Variants in P4HB observed in about 807,000 individuals in gnomAD.
P4HB encodes protein disulfide-isomerase.
In P4HB, 20 loss-of-function variants were observed where a neutral mutation model predicts 52.6. The ratio of observed to expected loss-of-function variants is 0.38; its 90% CI spans 0.27 to 0.55. P4HB has a LOEUF of 0.55. P4HB is among the 20% of genes least tolerant of loss of function. The probability of loss-of-function intolerance (pLI) is 0.74; values close to 1 mark genes in which losing one functional copy is unlikely to be tolerated. For synonymous variants in P4HB, 296 were observed against 277.9 expected (o/e 1.07, Z -0.65); for missense variants, 601 against 669.2 (o/e 0.90, Z 1.12).
intron 4 of P4HB, among the ~76,000 whole-genome samples, chr17:81,853,321 C>A (rs1598268726): frequency 6.6e-6 from 1 of 152,106 alleles, no homozygotes; most frequent in African/African-American, 2.4e-5. Context: ...ACCTGTAATC[C>A]CAGCACTTTG....
In P4HB at chr17:81,856,670, CG is replaced by C. The variant is rs199571563; in HGVS notation, c.353-1085del. ...TTCTTTTTTTTTTTTTTTTTTGAGA[CG>C]GAATCTACCTCTGTCGTCCAGGCTG... On this transcript the variant is annotated intron_variant, in intron 2 of 10. Transcript: ENST00000331483. Among the ~76,000 whole-genome samples the C allele has an allele frequency of 1.1e-3, 142 of 133,816 alleles. 1 individual carries two copies. In the East Asian group the frequency reaches 0.026, roughly 24 times the overall value. 87.8% of individuals were successfully genotyped at this position (133,816 alleles called of 152,430 possible).
intron 2 of P4HB, among the ~76,000 whole-genome samples, chr17:81,858,534 G>A (rs1379398430): frequency 1.3e-5 from 2 of 152,122 alleles, no homozygotes; most frequent in African/African-American, 2.4e-5. Flanking sequence ...TTTTATAGAC[G>A]AGTTTTCTTT....
In P4HB at chr17:81,847,346, A is replaced by T; in HGVS notation, c.626T>A (p.Phe209Tyr). The T allele has an allele frequency of 6.2e-7, 1 of 1,612,838 alleles. No individual in the cohort carries two copies. The highest frequency in any genetic ancestry group is 2.2e-5 in the East Asian group (1 of 44,892). Residue 209 changes from phenylalanine (F) to tyrosine (Y), a missense_variant and splice_region_variant, in exon 5 of 11, where the codon TTT (phenylalanine) becomes TAT (tyrosine). Physicochemically the swap from Phe to Tyr is conservative, Grantham distance 22 (BLOSUM62 3). Coordinates refer to ENST00000331483, the MANE Select transcript of P4HB (RefSeq NM_000918.4). The part of the protein sequence containing the change: ...DKDGVVLFKK[F>Y]DEGRNNFEGE... Reference sequence around the variant, plus strand: ...TTCAAAGTTGTTCCGGCCTTCATCAAACTGTGGACAGAAAGAGGGCCCTGA... The same window carrying T: ...TTCAAAGTTGTTCCGGCCTTCATCATACTGTGGACAGAAAGAGGGCCCTGA...
At position 81,845,139 on chromosome 17, in the gene P4HB, C is replaced by T; in HGVS notation, c.1446+5G>A. 1 of 1,608,926 alleles carries T rather than the reference C, an allele frequency of 6.2e-7. No individual in the cohort carries two copies. Among genetic ancestry groups the T allele is most frequent in the Non-Finnish European group, 8.5e-7 (1 of 1,175,744 alleles). ...AGACCAGCCCAGGGCTGTGACCCCA[C>T]TCACGTCATCATCCCCTGCCCCATC... On this transcript the variant is annotated splice_donor_5th_base_variant and intron_variant, in intron 10 of 10. Transcript: ENST00000331483.
intron 9 of P4HB, 45 bp downstream of exon 9, chr17:81,845,516 C>T (rs1278889407): frequency 6.5e-7 from 1 of 1,527,594 alleles, no homozygotes; most frequent in Non-Finnish European, 8.8e-7. Flanking sequence ...GGGACCACTG[C>T]TCTTCCCAGA....
At position 81,855,309 on chromosome 17, in the gene P4HB, C is replaced by T. The variant is rs745590395; in HGVS notation, c.487-30G>A. On this transcript the variant is annotated intron_variant, in intron 3 of 10. Transcript: ENST00000331483. This position sits in a 1 kb window ranked among gnomAD's most constrained non-coding sequence, Gnocchi z 4.3. ...ATGAGGAGGGAGAAGCAGAGGTCGTCATGATCCCGCAGCACCAAGCAGTAG... is the reference window on the plus strand; with the variant it reads ...ATGAGGAGGGAGAAGCAGAGGTCGTTATGATCCCGCAGCACCAAGCAGTAG... 1 of 1,613,394 alleles carries T rather than the reference C, an allele frequency of 6.2e-7. No individual in the cohort carries two copies. The highest frequency in any genetic ancestry group is 1.7e-5 in the Admixed American group (1 of 59,998).
In P4HB at chr17:81,843,762, T is replaced by C. The variant is rs201948230; in HGVS notation, c.*250A>G. 6.8e-6 allele frequency: 4 copies of C among 590,242 alleles called. No individual in the cohort carries two copies. The South Asian group carries it at 8.4e-5, about 12-fold the overall frequency. 36.6% of individuals were successfully genotyped at this position (590,242 alleles called of 1,614,324 possible). On this transcript the variant is annotated 3_prime_UTR_variant, in exon 11 of 11. Transcript: ENST00000331483. Reference sequence around the variant, plus strand: ...GACTCATGTATGAAAAAGTACATCATGGTTTCAGGAAACAAGCCCCACCAG... The same window carrying C: ...GACTCATGTATGAAAAAGTACATCACGGTTTCAGGAAACAAGCCCCACCAG...
At chr17:81,845,057 C>G in intron 10 of P4HB, 87 bp downstream of exon 10, 1 of 1,115,602 alleles carries the variant, frequency 9.0e-7, no homozygotes, top group Non-Finnish European at 1.3e-6. Flanking sequence ...GCACCATTCC[C>G]ATCACAAGCC....
chr17:81,847,766 C>T (rs2038759883), intron 4 of P4HB: 1 of 180,338 alleles, frequency 5.5e-6, no homozygotes. Context: ...CAACCTCTGC[C>T]TCCCAGGTTC....
intron 4 of P4HB, among the ~76,000 whole-genome samples, chr17:81,854,697 C>T (rs1418920230): frequency 1.3e-5 from 2 of 151,968 alleles, no homozygotes; most frequent in East Asian, 3.9e-4. Context: ...CAAAGATTAG[C>T]TGGGCATGGT....
rs8069408 is a variant in P4HB, at chr17:81,860,176, T to A, written c.145+151A>T. ...CCGGCTCTCACCCCCAGGGAGCCCC[T>A]GACATGGCCCCCAAGGCGGGCAGCA... is the stretch of plus-strand genomic sequence containing the variant. On this transcript the variant is annotated intron_variant, in intron 1 of 10. Transcript: ENST00000331483. 3.4e-4 allele frequency: 210 copies of A among 614,362 alleles called. 1 individual carries two copies. The African/African-American group carries it at 4.0e-3, about 12-fold the overall frequency. The allele number at this position is 614,362 out of a possible 1,614,324, so 38.1% of individuals were successfully genotyped here.
intron 4 of P4HB, among the ~76,000 whole-genome samples, chr17:81,851,639 C>T (rs1312880756): frequency 3.3e-5 from 5 of 152,192 alleles, no homozygotes; most frequent in African/African-American, 7.2e-5. Context: ...TGCAGGCAAA[C>T]GAAATCCCCC....
chr17:81,854,839 CA>C (rs377026985), intron 4 of P4HB, among the ~76,000 whole-genome samples: 378 of 79,772 alleles, frequency 4.7e-3, no homozygotes, highest in Middle Eastern at 0.018. Flanking sequence ...AAGACTCTCC[CA>C]AAAAAAAAAA....
At chr17:81,854,839 CAA>C (rs377026985) in intron 4 of P4HB, among the ~76,000 whole-genome samples, 5 of 80,034 alleles carry the variant, frequency 6.2e-5, no homozygotes, top group Admixed American at 1.4e-4. Flanking sequence ...AAGACTCTCC[CAA>C]AAAAAAAAAA....
At chr17:81,847,617 G>T (rs2038757588) in intron 4 of P4HB, 2 of 516,078 alleles carry the variant, frequency 3.9e-6, no homozygotes, top group South Asian at 2.2e-5. Context: ...CAGCAACCTT[G>T]AAGTGTGGCC....
In P4HB at chr17:81,858,808, C is replaced by A. The variant is rs920196952; in HGVS notation, c.352+373G>T. The A allele has an allele frequency of 1.2e-5, 3 of 240,704 alleles. No individual in the cohort carries two copies. In the Admixed American group the frequency reaches 1.5e-4, roughly 12 times the overall value. The allele number at this position is 240,704 out of a possible 1,614,324, so 14.9% of individuals were successfully genotyped here. ...GCAGCTGGCACGCTACACACGACAG[C>A]TAGCAGGTGTCACCCCGAGAGCTAC... is the stretch of plus-strand genomic sequence containing the variant. On this transcript the variant is annotated intron_variant, in intron 2 of 10. Coordinates refer to ENST00000331483, the MANE Select transcript of P4HB (RefSeq NM_000918.4).
rs2038746643 is a variant in P4HB, at chr17:81,847,068, G to A, written c.734C>T (p.Ala245Val). ...GATTTCACCTCCAAAAATCTTCGGGGCTGTCTGTGTTATAAACTTAAGTTA... is the reference window on the plus strand; with the variant it reads ...GATTTCACCTCCAAAAATCTTCGGGACTGTCTGTGTTATAAACTTAAGTTA... ...PLVIEFTEQT[A>V]PKIFGGEIKT... Residue 245 changes from alanine to valine, a missense_variant, in exon 6 of 11, where the codon GCC (alanine) becomes GTC (valine). By Grantham distance (64) the Ala-to-Val change is moderately conservative. Coordinates refer to ENST00000331483, the MANE Select transcript of P4HB (RefSeq NM_000918.4). 1.2e-6 allele frequency: 2 copies of A among 1,613,866 alleles called. No homozygotes were observed. The highest frequency in any genetic ancestry group is 1.3e-5 in the African/African-American group (1 of 74,932).
chr17:81,860,220 G>C lies in P4HB; in HGVS notation c.145+107C>G, dbSNP rs1598273480. The C allele has an allele frequency of 9.5e-6, 9 of 948,372 alleles. No individual in the cohort carries two copies. The South Asian group carries it at 2.8e-4, about 30-fold the overall frequency. The allele number at this position is 948,372 out of a possible 1,614,324, so 58.7% of individuals were successfully genotyped here. ...GGCAGCAAGGGAGCCCTTCAGTTCCGGGCGCGCCGGGGGTCCCGACCCCGG... is the reference window on the plus strand; with the variant it reads ...GGCAGCAAGGGAGCCCTTCAGTTCCCGGCGCGCCGGGGGTCCCGACCCCGG... On this transcript the variant is annotated intron_variant, in intron 1 of 10. Coordinates refer to ENST00000331483, the MANE Select transcript of P4HB (RefSeq NM_000918.4).
chr17:81,857,959 A>G (rs557857137), intron 2 of P4HB, among the ~76,000 whole-genome samples: 1 of 152,316 alleles, frequency 6.6e-6, no homozygotes, highest in East Asian at 1.9e-4. Context: ...GACTTTGGAC[A>G]GAGCACTTCC....
Sources: allele counts gnomAD v4.1 joint callset (sites outside exome capture counted in the v4.1 genomes callset), GRCh38; gene constraint gnomAD v4.1.1; non-coding constraint Gnocchi (gnomAD v3.1); transcripts MANE v1.5; gene names NCBI Gene and HGNC (gene_info 2026-07-23, HGNC 2026-07-21).